The following MYO7B variants were observed in gnomAD, a reference collection of about 807,000 sequenced individuals.
The protein encoded by MYO7B is myosin VIIB.
MYO7B carries 212 observed loss-of-function variants against 259.7 expected under a neutral mutation model. The ratio of observed to expected loss-of-function variants is 0.82; its 90% CI spans 0.73 to 0.91. The LOEUF is 0.91. MYO7B is among the 40% of genes least tolerant of loss of function. MYO7B has a pLI of 0.00. For synonymous variants in MYO7B, 1,197 were observed against 1,166.4 expected, an observed-to-expected ratio of 1.03 and a Z score of -0.54; for missense variants, 2,732 against 2,813.5, an observed-to-expected ratio of 0.97 and a Z score of 0.66.
At position 127,609,204 on chromosome 2, in the gene MYO7B, T is replaced by C. The variant is rs78470251; in HGVS notation, c.2815-302T>C. On this transcript the variant is annotated intron_variant, in intron 22 of 47. Coordinates refer to ENST00000409816, the MANE Select transcript of MYO7B (RefSeq NM_001393586.1). This position sits in a 1 kb window ranked among gnomAD's most constrained non-coding sequence, Gnocchi z 6.9. Reference sequence around the variant, plus strand: ...CACCTTTGAGGCCGCTGCTCTGCAGTGTGGCTGAGGAAGCTGCAGTGAGGA... The same window carrying C: ...CACCTTTGAGGCCGCTGCTCTGCAGCGTGGCTGAGGAAGCTGCAGTGAGGA... Among the ~76,000 whole-genome samples the C allele has an allele frequency of 0.038, 5,746 of 151,964 alleles. 224 individuals are homozygous for C. The highest frequency in any genetic ancestry group is 0.16 in the South Asian group (749 of 4,800).
rs1055197496 is a variant in MYO7B at position 127,615,728 on chromosome 2, G to C, written c.3398+3125G>C. ...TTGCTGTTTGCTCATATAGCCTCCA[G>C]TGGTATACTAGATCACGACTCTCAC... On this transcript the variant is annotated intron_variant, in intron 26 of 47. Transcript: ENST00000409816. The surrounding 1 kb of genome is among the most constrained non-coding windows in gnomAD (Gnocchi z 4.4). 2.6e-5 allele frequency among the ~76,000 whole-genome samples: 4 copies of C among 151,896 alleles called. No individual in the cohort carries two copies. The highest frequency in any genetic ancestry group is 2.6e-4 in the Admixed American group (4 of 15,232).
chr2:127,612,934 T>C (rs1021951232), intron 26 of MYO7B, among the ~76,000 whole-genome samples: 1 of 152,216 alleles, frequency 6.6e-6, no homozygotes, highest in Non-Finnish European at 1.5e-5. Flanking sequence ...ATTTGCTTTA[T>C]AGGAATGGGT....
At chr2:127,622,394 C>A (rs1377436739) in intron 28 of MYO7B, among the ~76,000 whole-genome samples, 4 of 152,202 alleles carry the variant, frequency 2.6e-5, no homozygotes, top group African/African-American at 9.7e-5. Flanking sequence ...TTCCAGCACT[C>A]CCCTCCAAGG....
At chr2:127,560,212 G>A (rs1333060024) in intron 2 of MYO7B, among the ~76,000 whole-genome samples, 2 of 151,920 alleles carry the variant, frequency 1.3e-5, no homozygotes, top group African/African-American at 2.4e-5. Flanking sequence ...TTTTTGTAGG[G>A]AGAGGGTTTT....
chr2:127,537,824 A>G (rs1228740399), intron 1 of MYO7B, among the ~76,000 whole-genome samples: 2 of 152,208 alleles, frequency 1.3e-5, no homozygotes, highest in Non-Finnish European at 2.9e-5. Flanking sequence ...TCTCCTGCAC[A>G]TGCCCAGGCC....
intron 1 of MYO7B, among the ~76,000 whole-genome samples, chr2:127,551,938 G>A (rs1693460220): frequency 6.6e-6 from 1 of 152,158 alleles, no homozygotes; most frequent in Admixed American, 6.5e-5. Context: ...TGCAGGCCAT[G>A]AGACCACCCT....
intron 1 of MYO7B, among the ~76,000 whole-genome samples, chr2:127,548,172 T>C (rs1693310138): frequency 6.6e-6 from 1 of 152,190 alleles, no homozygotes; most frequent in Non-Finnish European, 1.5e-5. Flanking sequence ...TCATTTCCAA[T>C]AGTAGTTAAT....
Position 127,615,091 on chromosome 2 carries a change from A to G in MYO7B, c.3398+2488A>G, listed in dbSNP as rs1232941950. Among the ~76,000 whole-genome samples the G allele has an allele frequency of 6.6e-6, 1 of 152,010 alleles. No individual in the cohort carries two copies. Among genetic ancestry groups the G allele is most frequent in the Non-Finnish European group, 1.5e-5 (1 of 67,998 alleles). On this transcript the variant is annotated intron_variant, in intron 26 of 47. Transcript: ENST00000409816. The surrounding 1 kb of genome is among the most constrained non-coding windows in gnomAD (Gnocchi z 4.4). The stretch of plus-strand genomic sequence containing the variant: ...CCCTTTAGCTGGGGGGCACGAGAGG[A>G]CCAGGAAATTCACAATGCCAGTGAA...
chr2:127,558,411 G>A (rs2104840951), intron 1 of MYO7B, among the ~76,000 whole-genome samples: 1 of 152,328 alleles, frequency 6.6e-6, no homozygotes, highest in South Asian at 2.1e-4. Flanking sequence ...ATGTAAACTA[G>A]TACAGCCACT....
At chr2:127,573,462 G>A (rs768514104) in intron 6 of MYO7B, among the ~76,000 whole-genome samples, 7 of 152,168 alleles carry the variant, frequency 4.6e-5, no homozygotes, top group Non-Finnish European at 8.8e-5. Flanking sequence ...TCCCCATGCC[G>A]GCTTGGCCTC....
At chr2:127,541,041 T>C (rs1239590939) in intron 1 of MYO7B, among the ~76,000 whole-genome samples, 1 of 152,270 alleles carries the variant, frequency 6.6e-6, no homozygotes, top group Non-Finnish European at 1.5e-5. Flanking sequence ...TATCTCTCTC[T>C]ACTGTGAATG....
Position 127,624,295 on chromosome 2 carries a change from G to C in MYO7B, c.4022G>C (p.Trp1341Ser), listed in dbSNP as rs561643465. 179 of 1,582,276 alleles carry C rather than the reference G, an allele frequency of 1.1e-4. 1 individual carries two copies. The highest frequency in any genetic ancestry group is 1.4e-4 in the Non-Finnish European group (167 of 1,164,884). The change falls in exon 30 of 48, where the codon TGG becomes TCG. Residue 1341 changes from tryptophan (W) to serine (S), a missense_variant. Trp to Ser is a radical substitution (Grantham distance 177). Around this residue, in one of 3 missense-constraint regions of MYO7B, gnomAD observed 1,906 missense variants for 2,026.4 expected, o/e 0.94. Transcript: ENST00000409816. Reference protein sequence around the residue: ...LIYRQVLRGVWSGEYSFEKEE... With the variant: ...LIYRQVLRGVSSGEYSFEKEE... ...TACCGCCAAGTCCTCCGAGGAGTCT[G>C]GTCTGGCGAGTACAGCTTCGAGAAG...
At position 127,584,940 on chromosome 2, in the gene MYO7B, C is replaced by A; in HGVS notation, c.1690+27C>A. On this transcript the variant is annotated intron_variant, in intron 14 of 47. Transcript: ENST00000409816. The surrounding 1 kb of genome is among the most constrained non-coding windows in gnomAD (Gnocchi z 5.8). ...TGGGTGCAGCTCTCCTCTCATGTCC[C>A]TTCCAAATCTGGACCGGGTTCCAGG... 2 of 1,611,946 alleles carry A rather than the reference C, an allele frequency of 1.2e-6. No individual in the cohort carries two copies. Among genetic ancestry groups the A allele is most frequent in the South Asian group, 2.2e-5 (2 of 90,778 alleles).
chr2:127,616,771 G>A (rs758478422), intron 26 of MYO7B, among the ~76,000 whole-genome samples: 14 of 152,174 alleles, frequency 9.2e-5, no homozygotes, highest in Non-Finnish European at 1.5e-4. Context: ...GATGGGGAAT[G>A]CCCTCATTGT....
At chr2:127,547,695 A>C (rs939458792) in intron 1 of MYO7B, among the ~76,000 whole-genome samples, 2 of 152,198 alleles carry the variant, frequency 1.3e-5, no homozygotes, top group African/African-American at 4.8e-5. Context: ...CAGCAGCAGC[A>C]AGGCCACCTG....
Position 127,562,900 on chromosome 2 carries a change from C to T in MYO7B, c.19-1253C>T, listed in dbSNP as rs544343565. ...CTGGGATTACAGGTGTGAACCACCA[C>T]ATCCAGCCCCTAATTCTAATTTTTT... On this transcript the variant is annotated intron_variant, in intron 2 of 47. Coordinates refer to ENST00000409816, the MANE Select transcript of MYO7B (RefSeq NM_001393586.1). 2.3e-3 allele frequency among the ~76,000 whole-genome samples: 355 copies of T among 152,332 alleles called. 2 individuals carry two copies. The highest frequency in any genetic ancestry group is 7.9e-3 in the African/African-American group (327 of 41,584).
At chr2:127,624,587 G>A (rs1681012310) in intron 30 of MYO7B, among the ~76,000 whole-genome samples, 1 of 152,244 alleles carries the variant, frequency 6.6e-6, no homozygotes, top group Admixed American at 6.5e-5. Flanking sequence ...CTCTGTTTAT[G>A]GGGCAGTGAG....
rs528096622 is a variant in MYO7B, at chr2:127,615,853, G to A, written c.3398+3250G>A. On this transcript the variant is annotated intron_variant, in intron 26 of 47. Transcript: ENST00000409816. The surrounding 1 kb of genome is among the most constrained non-coding windows in gnomAD (Gnocchi z 4.4). ...TAATTGCCAGTTGGTGGTTTGTTCCGTCTTCGCATTCAGCTGGTACTGGGG... is the reference window on the plus strand; with the variant it reads ...TAATTGCCAGTTGGTGGTTTGTTCCATCTTCGCATTCAGCTGGTACTGGGG... 2.1e-4 allele frequency among the ~76,000 whole-genome samples: 32 copies of A among 152,264 alleles called. No homozygotes were observed. The East Asian group carries it at 3.5e-3, about 17-fold the overall frequency.
intron 42 of MYO7B, 146 bp downstream of exon 42, chr2:127,634,829 C>T (rs541694455): frequency 3.2e-5 from 26 of 800,252 alleles, no homozygotes; most frequent in African/African-American, 2.1e-4. Flanking sequence ...CCCTGGGGCC[C>T]GGCGGTGAGG....
Sources: gnomAD v4.1 joint callset for allele counts (sites outside exome capture counted in the v4.1 genomes callset) on GRCh38, gnomAD v4.1.1 for gene constraint, gnomAD v4.1.1 regional missense constraint, Gnocchi (gnomAD v3.1) non-coding constraint, MANE v1.5 for transcripts, NCBI Gene and HGNC (gene_info 2026-07-23, HGNC 2026-07-21) for gene names.